Variants in ZNF385B observed in about 807,000 individuals in gnomAD.
ZNF385B encodes the protein zinc finger protein 533.
Under a neutral mutation model 39.2 loss-of-function variants are expected in ZNF385B, and 23 were observed. That is an observed-to-expected ratio of 0.59 (90% CI 0.42 to 0.83). The LOEUF is 0.83. Ranked by LOEUF, ZNF385B falls within the 40% of genes least tolerant of loss-of-function variation. The probability of loss-of-function intolerance (pLI) is 0.00; values close to 1 mark genes in which losing one functional copy is unlikely to be tolerated. For missense variants in ZNF385B, 552 were observed against 598.9 expected, an observed-to-expected ratio of 0.92 and a Z score of 0.82; for synonymous variants, 205 against 222.6, an observed-to-expected ratio of 0.92 and a Z score of 0.70.
chr2:179,563,715 C>T (rs1684206948), intron 3 of ZNF385B, among the ~76,000 whole-genome samples: 1 of 152,018 alleles, frequency 6.6e-6, no homozygotes, highest in African/African-American at 2.4e-5. Context: ...AGTATGCTAG[C>T]TCTATACTTA....
intron 3 of ZNF385B, among the ~76,000 whole-genome samples, chr2:179,656,181 A>T (rs528739236): frequency 3.9e-5 from 6 of 152,162 alleles, no homozygotes; most frequent in Non-Finnish European, 8.8e-5. Context: ...TAAACCAGTA[A>T]TTGATGTAAA....
chr2:179,826,575 C>T (rs1707694484), intron 1 of ZNF385B, among the ~76,000 whole-genome samples: 1 of 152,148 alleles, frequency 6.6e-6, no homozygotes, highest in Admixed American at 6.5e-5. Context: ...GCAGCACTCT[C>T]CCTTAAAGCA....
chr2:179,591,232 A>G (rs1515314), intron 3 of ZNF385B, among the ~76,000 whole-genome samples: 23,825 of 151,962 alleles, frequency 0.16, 2,239 homozygotes, highest in Middle Eastern at 0.24. Context: ...ATGATTACAA[A>G]CGTTCCCTCT....
intron 5 of ZNF385B, among the ~76,000 whole-genome samples, chr2:179,515,029 C>T (rs7595054): frequency 0.81 from 123,533 of 151,824 alleles, 50,617 homozygotes; most frequent in East Asian, 0.92. Flanking sequence ...CCACCCGCCT[C>T]GGCCTTCCAA....
chr2:179,838,272 A>G (rs564684077), intron 1 of ZNF385B, among the ~76,000 whole-genome samples: 1 of 152,348 alleles, frequency 6.6e-6, no homozygotes, highest in African/African-American at 2.4e-5. Flanking sequence ...TCTGAGAAAA[A>G]CATATTCAAA....
intron 3 of ZNF385B, among the ~76,000 whole-genome samples, chr2:179,710,806 G>T (rs1699944965): frequency 6.6e-6 from 1 of 152,184 alleles, no homozygotes; most frequent in South Asian, 2.1e-4. Context: ...CAAACAGACT[G>T]TTGTGACTGC....
intron 3 of ZNF385B, among the ~76,000 whole-genome samples, chr2:179,726,308 C>A (rs1489935822): frequency 6.6e-6 from 1 of 152,024 alleles, no homozygotes; most frequent in Non-Finnish European, 1.5e-5. Flanking sequence ...GCATGTCTTG[C>A]ACCTCTCCAT....
chr2:179,809,791 C>T lies in ZNF385B; in HGVS notation c.-154-39119G>A, dbSNP rs189506978. On this transcript the variant is annotated intron_variant, in intron 1 of 9. Coordinates refer to ENST00000410066, the MANE Select transcript of ZNF385B (RefSeq NM_152520.6). ...ACAATGAATCATGACCCTGAATTAT[C>T]GAGAAAAAAAATTATATTTATTCAG... is the stretch of plus-strand genomic sequence containing the variant. 5.9e-5 allele frequency among the ~76,000 whole-genome samples: 9 copies of T among 151,798 alleles called. No individual in the cohort carries two copies. In the East Asian group the frequency reaches 1.2e-3, roughly 20 times the overall value.
At chr2:179,612,107 A>C (rs1413109402) in intron 3 of ZNF385B, among the ~76,000 whole-genome samples, 1 of 152,054 alleles carries the variant, frequency 6.6e-6, no homozygotes, top group East Asian at 1.9e-4. Context: ...ACCTCCTAGG[A>C]TTCTGAATTC....
chr2:179,510,127 G>A (rs1443587442), intron 5 of ZNF385B, among the ~76,000 whole-genome samples: 1 of 117,192 alleles, frequency 8.5e-6, no homozygotes, highest in African/African-American at 2.8e-5. Context: ...TGCTACAAGT[G>A]TATACACTAA....
At chr2:179,641,948 G>A (rs1279905082) in intron 3 of ZNF385B, among the ~76,000 whole-genome samples, 1 of 152,134 alleles carries the variant, frequency 6.6e-6, no homozygotes, top group East Asian at 1.9e-4. Context: ...GGAACAACGT[G>A]TGGCTCCCTT....
At chr2:179,469,516 G>A (rs1307272706) in intron 6 of ZNF385B, among the ~76,000 whole-genome samples, 1 of 152,036 alleles carries the variant, frequency 6.6e-6, no homozygotes, top group Non-Finnish European at 1.5e-5. Flanking sequence ...GGCAAACCAC[G>A]AAGGGACTAC....
chr2:179,705,251 C>T lies in ZNF385B; in HGVS notation c.298+64252G>A, dbSNP rs1699504765. On this transcript the variant is annotated intron_variant, in intron 3 of 9. Coordinates refer to ENST00000410066, the MANE Select transcript of ZNF385B (RefSeq NM_152520.6). ...TCATCTCTGGGCTAGGAGTGGGTTCCTGTCCTCATTGCTCCTCAATTATAC... is the reference window on the plus strand; with the variant it reads ...TCATCTCTGGGCTAGGAGTGGGTTCTTGTCCTCATTGCTCCTCAATTATAC... Among the ~76,000 whole-genome samples, 5 of 152,322 alleles carry T rather than the reference C, an allele frequency of 3.3e-5. No individual in the cohort carries two copies. The South Asian group carries it at 1.0e-3, about 32-fold the overall frequency.
chr2:179,809,598 T>C (rs1295520709), intron 1 of ZNF385B, among the ~76,000 whole-genome samples: 1 of 152,102 alleles, frequency 6.6e-6, no homozygotes, highest in African/African-American at 2.4e-5. Context: ...ATAAAAGCTG[T>C]TTAAAAAGAC....
At chr2:179,668,846 G>A (rs533814688) in intron 3 of ZNF385B, among the ~76,000 whole-genome samples, 1 of 152,136 alleles carries the variant, frequency 6.6e-6, no homozygotes. Flanking sequence ...GGAGCCATCT[G>A]AAGCACTTTA....
intron 3 of ZNF385B, among the ~76,000 whole-genome samples, chr2:179,605,280 G>T (rs1332964440): frequency 6.6e-6 from 1 of 151,804 alleles, no homozygotes; most frequent in Non-Finnish European, 1.5e-5. Flanking sequence ...ATTAAAATAG[G>T]ATATCAAGAC....
intron 1 of ZNF385B, among the ~76,000 whole-genome samples, chr2:179,845,589 A>G (rs1328267104): frequency 6.6e-6 from 1 of 152,212 alleles, no homozygotes; most frequent in East Asian, 1.9e-4. Flanking sequence ...GATCACATAC[A>G]TCATATTTTT....
At chr2:179,745,634 G>T (rs1575409186) in intron 3 of ZNF385B, 22 of 1,308,176 alleles carry the variant, frequency 1.7e-5, no homozygotes, top group Non-Finnish European at 2.3e-5. Context: ...GACTCCACAG[G>T]ATTCAGCATA....
At chr2:179,545,524 T>G (rs1343057954) in intron 3 of ZNF385B, among the ~76,000 whole-genome samples, 2 of 152,136 alleles carry the variant, frequency 1.3e-5, no homozygotes, top group Non-Finnish European at 2.9e-5. Context: ...GCTCTTACTT[T>G]GAAGTAAATG....
Sources: gnomAD v4.1 joint callset for allele counts (sites outside exome capture counted in the v4.1 genomes callset) on GRCh38, gnomAD v4.1.1 for gene constraint, MANE v1.5 for transcripts, NCBI Gene and HGNC (gene_info 2026-07-23, HGNC 2026-07-21) for gene names.